The following COL4A5 variants were observed in gnomAD, a reference collection of about 807,000 sequenced individuals.
COL4A5 encodes the protein collagen type IV alpha 5 chain.
A neutral mutation model predicts 130.2 loss-of-function variants in COL4A5; 26 were observed. That is an observed-to-expected ratio of 0.20 (90% CI 0.15 to 0.28). The LOEUF is 0.28. Among genes scored for constraint, COL4A5 ranks in the 10% least tolerant of loss-of-function variants. The probability of loss-of-function intolerance (pLI) is 1.00; values close to 1 mark genes in which losing one functional copy is unlikely to be tolerated. For missense variants in COL4A5, 1,131 were observed against 1,344.3 expected, an observed-to-expected ratio of 0.84 and a Z score of 2.48; for synonymous variants, 496 against 439.6, an observed-to-expected ratio of 1.13 and a Z score of -1.60.
intron 9 of COL4A5, among the ~76,000 whole-genome samples, chrX:108,575,618 G>A (rs1192078313): frequency 8.9e-6 from 1 of 111,811 alleles, no homozygotes; most frequent in African/African-American, 3.3e-5. Context: ...CACTTTGGGA[G>A]GCCAAGTCAT....
chrX:108,630,704 G>T (rs1300024321), intron 36 of COL4A5, among the ~76,000 whole-genome samples: 6 of 111,534 alleles, frequency 5.4e-5, no homozygotes, highest in African/African-American at 2.0e-4. Flanking sequence ...CATTGCTTTT[G>T]GTGTTTTAGT....
intron 1 of COL4A5, among the ~76,000 whole-genome samples, chrX:108,502,316 G>A (rs1163799908): frequency 1.8e-5 from 2 of 110,917 alleles, no homozygotes; most frequent in Non-Finnish European, 3.8e-5. Flanking sequence ...ATGGAGTTTC[G>A]TTCTTGTTGC....
intron 1 of COL4A5, among the ~76,000 whole-genome samples, chrX:108,456,106 A>T (rs745434080): frequency 9.0e-6 from 1 of 111,310 alleles, no homozygotes; most frequent in South Asian, 3.8e-4. Flanking sequence ...AACACCATAT[A>T]CCTCTCCATT....
intron 1 of COL4A5, among the ~76,000 whole-genome samples, chrX:108,452,218 G>A (rs1428097233): frequency 8.9e-6 from 1 of 111,863 alleles, no homozygotes; most frequent in Non-Finnish European, 1.9e-5. Flanking sequence ...TGCTGTTTTG[G>A]TGACTGTAGC....
intron 42 of COL4A5, among the ~76,000 whole-genome samples, chrX:108,673,141 A>G (rs1185630399): frequency 8.9e-6 from 1 of 111,973 alleles, no homozygotes; most frequent in Non-Finnish European, 1.9e-5. Context: ...TTCCTGTAGC[A>G]CCTTGCACAT....
rs751952523 is a variant in COL4A5 at position 108,677,501 on chromosome X, T to A, written c.3810T>A (p.Gly1270=). Residue 1270 remains glycine, a splice_region_variant and synonymous_variant, in exon 44 of 53, where the codon GGT becomes GGA. Transcript: ENST00000328300. ...CGTCATTTGCTGTGGATTATTAAGG[T>A]CTACCAGGTCCAGAAGGTCCTCCAG... ...PGRPGPTGFQ[G]LPGPEGPPGL... 6.6e-6 allele frequency: 8 copies of A among 1,207,315 alleles called. No homozygotes were observed. In the African/African-American group the frequency reaches 1.0e-4, roughly 16 times the overall value.
Position 108,696,322 on chromosome X carries a change from G to A in COL4A5, c.5020G>A (p.Ala1674Thr). 1 of 1,209,743 alleles carries A rather than the reference G, an allele frequency of 8.3e-7. No homozygotes were observed. The highest frequency in any genetic ancestry group is 2.2e-5 in the Admixed American group (1 of 46,021). The change falls in exon 53 of 53, where the codon GCA (alanine) becomes ACA (threonine). Residue 1674 changes from alanine (A) to threonine (T), a missense_variant. Transcript: ENST00000328300. ...TAAACCTCAGTCAGAAACGCTGAAAGCAGGAGACTTGAGGACACGAATTAG... is the reference window on the plus strand; with the variant it reads ...TAAACCTCAGTCAGAAACGCTGAAAACAGGAGACTTGAGGACACGAATTAG... ...FSKPQSETLK[A>T]GDLRTRISRC...
At chrX:108,677,429 T>A (rs1275048375) in intron 43 of COL4A5, 71 bp from the exon 44 acceptor site, 11 of 1,070,214 alleles carry the variant, frequency 1.0e-5, no homozygotes, top group Middle Eastern at 2.9e-4. Context: ...TGACTGATAT[T>A]TTAAAAGCCT....
intron 36 of COL4A5, among the ~76,000 whole-genome samples, chrX:108,644,919 C>CAAAAAAAAAAAAAAAA (rs778790757): frequency 2.1e-5 from 1 of 47,550 alleles, no homozygotes; most frequent in Non-Finnish European, 5.2e-5. Context: ...ACAACAACAA[C>CAAAAAAAAAAAAAAAA]AAAAAAAAAA....
At chrX:108,647,845 G>A (rs1454414627) in intron 36 of COL4A5, among the ~76,000 whole-genome samples, 1 of 111,607 alleles carries the variant, frequency 9.0e-6, no homozygotes, top group Non-Finnish European at 1.9e-5. Flanking sequence ...TAATCATGTG[G>A]TTTTTGTCTT....
chrX:108,620,810 TG>T (rs1359580105), intron 31 of COL4A5, among the ~76,000 whole-genome samples: 3 of 111,357 alleles, frequency 2.7e-5, no homozygotes, highest in African/African-American at 9.8e-5. Context: ...GACATCTGGG[TG>T]TTCATTAGCT....
rs149970192 is a variant in COL4A5, at chrX:108,573,315, A to G, written c.466-259A>G. Among the ~76,000 whole-genome samples, 212 of 111,403 alleles carry G rather than the reference A, an allele frequency of 1.9e-3. 2 individuals are homozygous for G. The East Asian group carries it at 0.056, about 30-fold the overall frequency. On this transcript the variant is annotated intron_variant, in intron 8 of 52. Transcript: ENST00000328300. ...CCCAGAACCTACCACAATTGTTGGC[A>G]AATACTTAATATTTACTACATATTT... is the stretch of plus-strand genomic sequence containing the variant.
intron 2 of COL4A5, among the ~76,000 whole-genome samples, chrX:108,542,398 G>A (rs920819822): frequency 9.1e-6 from 1 of 110,036 alleles, no homozygotes; most frequent in African/African-American, 3.3e-5. Context: ...GAGAATGATG[G>A]TTTCCAGCTT....
At chrX:108,613,948 G>A (rs1441894218) in intron 29 of COL4A5, among the ~76,000 whole-genome samples, 2 of 111,718 alleles carry the variant, frequency 1.8e-5, no homozygotes, top group Non-Finnish European at 3.8e-5. Flanking sequence ...AAAATGTGAA[G>A]CTTCACATAG....
intron 36 of COL4A5, among the ~76,000 whole-genome samples, chrX:108,642,848 CA>C (rs35804797): frequency 0.044 from 1,522 of 34,625 alleles, 37 homozygotes; most frequent in African/African-American, 0.1. Flanking sequence ...TCCCCCTCTC[CA>C]AAAAAAAAAA....
chrX:108,668,420 C>T lies in COL4A5; in HGVS notation c.3706C>T (p.Pro1236Ser), dbSNP rs1416079536. The change falls in exon 41 of 53, where the codon CCC becomes TCC. Residue 1236 changes from proline to serine, a missense_variant. By Grantham distance (74) the Pro-to-Ser change is moderately conservative. Coordinates refer to ENST00000328300, the MANE Select transcript of COL4A5 (RefSeq NM_033380.3). ...TCACGGTTTCCCTGGTGTGCAGGGT[C>T]CCCCAGGCCCTCCTGGTTCTCCGGG... The part of the protein sequence containing the change: ...GFHGFPGVQG[P>S]PGPPGSPGPA... 8.3e-7 allele frequency: 1 copy of T among 1,209,314 alleles called. No individual in the cohort carries two copies.
chrX:108,565,793 C>T (rs1018659436), intron 4 of COL4A5, among the ~76,000 whole-genome samples: 1 of 111,477 alleles, frequency 9.0e-6, no homozygotes, highest in African/African-American at 3.3e-5. Flanking sequence ...GCAAATTTCA[C>T]GTTGCCTTGG....
intron 13 of COL4A5, among the ~76,000 whole-genome samples, chrX:108,578,666 A>G (rs1212695361): frequency 1.9e-5 from 2 of 107,173 alleles, no homozygotes; most frequent in African/African-American, 7.1e-5. Context: ...AATAACAAGG[A>G]TTTGAGATTA....
chrX:108,497,637 T>C (rs1391752056), intron 1 of COL4A5, among the ~76,000 whole-genome samples: 1 of 111,654 alleles, frequency 9.0e-6, no homozygotes, highest in African/African-American at 3.3e-5. Flanking sequence ...CTGCTTGTAT[T>C]CTGTATTGCA....
Sources: allele counts gnomAD v4.1 joint callset (sites outside exome capture counted in the v4.1 genomes callset), GRCh38; gene constraint gnomAD v4.1.1; transcripts MANE v1.5; gene names NCBI Gene and HGNC (gene_info 2026-07-23, HGNC 2026-07-21).